Variants in MGST1 observed in about 807,000 individuals in gnomAD.
The protein encoded by MGST1 is microsomal glutathione S-transferase 1, also known as glutathione S-transferase 12.
MGST1 carries 5 observed loss-of-function variants against 8.9 expected under a neutral mutation model. That is an observed-to-expected ratio of 0.56 (90% confidence interval 0.29 to 1.19). The LOEUF (loss-of-function observed/expected upper bound fraction) is 1.19. Ranked by LOEUF, MGST1 falls within the 50% of genes most tolerant of loss-of-function variation. The pLI is 0.08. For missense variants in MGST1, 182 were observed against 187.4 expected (o/e 0.97, Z 0.17); for synonymous variants, 54 against 67.8 (o/e 0.80, Z 1.00).
At chr12:16,538,676 T>C (rs976091823) in intron 4 of MGST1, among the ~76,000 whole-genome samples, 6 of 150,200 alleles carry the variant, frequency 4.0e-5, no homozygotes. Flanking sequence ...TGGCGAGATC[T>C]CGGCTCACTG....
chr12:16,508,898 G>T (rs1472989061), intron 4 of MGST1, among the ~76,000 whole-genome samples: 1 of 152,104 alleles, frequency 6.6e-6, no homozygotes, highest in Non-Finnish European at 1.5e-5. Flanking sequence ...AGTTTATCCC[G>T]AGTGTAAAGT....
At chr12:16,525,182 A>T (rs1276189447) in intron 4 of MGST1, among the ~76,000 whole-genome samples, 1 of 151,728 alleles carries the variant, frequency 6.6e-6, no homozygotes, top group Non-Finnish European at 1.5e-5. Flanking sequence ...TTTAGGGTAC[A>T]TGTGCACATT....
intron 4 of MGST1, among the ~76,000 whole-genome samples, chr12:16,545,349 G>C (rs1240023248): frequency 6.6e-6 from 1 of 152,122 alleles, no homozygotes; most frequent in Non-Finnish European, 1.5e-5. Context: ...ATGCACCGAT[G>C]TCTCTCAGGC....
At position 16,503,536 on chromosome 12, in the gene MGST1, TCAC is replaced by T. The variant is rs978261962; in HGVS notation, n.483-85988_483-85986del. On this transcript the variant is annotated intron_variant and non_coding_transcript_variant, in intron 4 of 4. Transcript: ENST00000538857. The surrounding 1 kb of genome is among the most constrained non-coding windows in gnomAD (Gnocchi z 4.8). The stretch of plus-strand genomic sequence containing the variant: ...GATAAAGGACATGAACATTTTCTGT[TCAC>T]CACTCTATCTCTTCTCTACTATTGG... Among the ~76,000 whole-genome samples the T allele has an allele frequency of 1.3e-5, 2 of 152,166 alleles. No individual in the cohort carries two copies. Among genetic ancestry groups the T allele is most frequent in the African/African-American group, 4.8e-5 (2 of 41,434 alleles).
chr12:16,572,893 C>A (rs77287476), intron 4 of MGST1, among the ~76,000 whole-genome samples: 4,056 of 151,452 alleles, frequency 0.027, 180 homozygotes, highest in African/African-American at 0.093. Flanking sequence ...ATTTATTCAC[C>A]TAATTTTTAA....
intron 4 of MGST1, among the ~76,000 whole-genome samples, chr12:16,579,768 C>CA (rs1181900784): frequency 6.6e-6 from 1 of 152,150 alleles, no homozygotes; most frequent in Non-Finnish European, 1.5e-5. Flanking sequence ...CCAATAGATT[C>CA]AGTGGCCGAG....
exon 4 of MGST1, chr12:16,376,936 T>C (rs975885212): frequency 6.6e-6 from 1 of 152,114 alleles, no homozygotes; most frequent in African/African-American, 2.4e-5. Flanking sequence ...TACTATACTG[T>C]TCTCATTCCT....
Position 16,513,401 on chromosome 12 carries a change from C to G in MGST1, n.483-76127C>G, listed in dbSNP as rs1941589053. 5.2e-6 allele frequency: 2 copies of G among 385,122 alleles called. No individual in the cohort carries two copies. The highest frequency in any genetic ancestry group is 6.9e-5 in the Admixed American group (2 of 28,856). The allele number at this position is 385,122 out of a possible 1,614,324, so 23.9% of individuals were successfully genotyped here. A position where few individuals can be genotyped will look rare whatever the true frequency, so the allele number is the denominator to read the frequency against. On this transcript the variant is annotated intron_variant and non_coding_transcript_variant, in intron 4 of 4. Transcript: ENST00000538857. The surrounding 1 kb of genome is among the most constrained non-coding windows in gnomAD (Gnocchi z 4.2). ...CCTCCTACCGTCCACCATGGCTCCT[C>G]TGCGCTCCAGCTGCGTCGTCTCCGG... is the stretch of plus-strand genomic sequence containing the variant.
At chr12:16,478,319 C>T (rs1322270445) in intron 4 of MGST1, among the ~76,000 whole-genome samples, 7 of 152,158 alleles carry the variant, frequency 4.6e-5, no homozygotes, top group African/African-American at 1.4e-4. Context: ...TGAGTCACCA[C>T]GCCCGGCCCT....
intron 4 of MGST1, among the ~76,000 whole-genome samples, chr12:16,581,414 A>C (rs952119396): frequency 2.0e-5 from 3 of 152,196 alleles, no homozygotes; most frequent in Non-Finnish European, 4.4e-5. Flanking sequence ...TTACATCTGT[A>C]CAGCACTTAG....
intron 4 of MGST1, among the ~76,000 whole-genome samples, chr12:16,532,366 A>C (rs2137201817): frequency 6.6e-6 from 1 of 152,278 alleles, no homozygotes; most frequent in East Asian, 1.9e-4. Flanking sequence ...AAAGAAATTG[A>C]ACTAAAATGG....
At position 16,503,907 on chromosome 12, in the gene MGST1, G is replaced by C. The variant is rs1043914976; in HGVS notation, n.483-85621G>C. 6.6e-6 allele frequency among the ~76,000 whole-genome samples: 1 copy of C among 152,176 alleles called. No individual in the cohort carries two copies. Among genetic ancestry groups the C allele is most frequent in the Non-Finnish European group, 1.5e-5 (1 of 68,036 alleles). On this transcript the variant is annotated intron_variant and non_coding_transcript_variant, in intron 4 of 4. Coordinates refer to the MGST1 transcript ENST00000538857. The surrounding 1 kb of genome is among the most constrained non-coding windows in gnomAD (Gnocchi z 4.8). The stretch of plus-strand genomic sequence containing the variant: ...GCCACTCTGGGCACATTGCCTATGG[G>C]GTAGCCCTGCTCTGCAAGGCACAGT...
intron 4 of MGST1, among the ~76,000 whole-genome samples, chr12:16,569,628 G>C (rs1942740328): frequency 6.6e-6 from 1 of 152,066 alleles, no homozygotes; most frequent in Non-Finnish European, 1.5e-5. Flanking sequence ...AATATTTCCA[G>C]GCAAATATGG....
intron 4 of MGST1, among the ~76,000 whole-genome samples, chr12:16,454,939 A>G (rs1344934571): frequency 6.6e-6 from 1 of 150,846 alleles, no homozygotes; most frequent in Non-Finnish European, 1.5e-5. Flanking sequence ...CCAGGGCAGG[A>G]CAGTGTCAGA....
At position 16,413,874 on chromosome 12, in the gene MGST1, A is replaced by C. The variant is rs567367656; in HGVS notation, n.779-23514A>C. On this transcript the variant is annotated intron_variant and non_coding_transcript_variant, in intron 1 of 1. Coordinates refer to the MGST1 transcript ENST00000359720. The surrounding 1 kb of genome is among the most constrained non-coding windows in gnomAD (Gnocchi z 4.0). ...TTAGCCATTGCCAAATCAATGAATG[A>C]AAGTATACATATATTAATATGAATA... Among the ~76,000 whole-genome samples the C allele has an allele frequency of 6.6e-6, 1 of 152,322 alleles. No homozygotes were observed. The highest frequency in any genetic ancestry group is 1.9e-4 in the East Asian group (1 of 5,192).
At chr12:16,518,698 C>G (rs1941630620) in intron 4 of MGST1, among the ~76,000 whole-genome samples, 2 of 152,230 alleles carry the variant, frequency 1.3e-5, no homozygotes, top group Admixed American at 1.3e-4. Flanking sequence ...GCTTCCCATA[C>G]TAGAGAACAA....
At position 16,550,996 on chromosome 12, in the gene MGST1, C is replaced by T. The variant is rs140991956; in HGVS notation, n.483-38532C>T. ...AAAAACGAATAGCAAGCAAAAAAAT[C>T]CAGCCATATGTACATTACTTTTTTC... is the stretch of plus-strand genomic sequence containing the variant. On this transcript the variant is annotated intron_variant and non_coding_transcript_variant, in intron 4 of 4. Transcript: ENST00000538857. 9.3e-3 allele frequency: 3,931 copies of T among 423,696 alleles called. 34 individuals are homozygous for T. Among genetic ancestry groups the T allele is most frequent in the Non-Finnish European group, 0.013 (3,074 of 235,276 alleles). 26.2% of individuals were successfully genotyped at this position (423,696 alleles called of 1,614,324 possible). A position where few individuals can be genotyped will look rare whatever the true frequency, so the allele number is the denominator to read the frequency against.
Position 16,561,174 on chromosome 12 carries a change from A to G in MGST1, n.483-28354A>G, listed in dbSNP as rs551445309. Among the ~76,000 whole-genome samples, 16 of 152,234 alleles carry G rather than the reference A, an allele frequency of 1.1e-4. No individual in the cohort carries two copies. In the East Asian group the frequency reaches 2.1e-3, roughly 20 times the overall value. The stretch of plus-strand genomic sequence containing the variant: ...GATAATATACTGTCAGAACCACTGG[A>G]ATTGTCTAGGATTTAAAAAAAATTC... On this transcript the variant is annotated intron_variant and non_coding_transcript_variant, in intron 4 of 4. Transcript: ENST00000538857.
chr12:16,521,998 C>T lies in MGST1; in HGVS notation n.483-67530C>T, dbSNP rs76441615. Among the ~76,000 whole-genome samples, 881 of 152,172 alleles carry T rather than the reference C, an allele frequency of 5.8e-3. 29 individuals are homozygous for T. The East Asian group carries it at 0.13, about 23-fold the overall frequency. On this transcript the variant is annotated intron_variant and non_coding_transcript_variant, in intron 4 of 4. Coordinates refer to the MGST1 transcript ENST00000538857. Reference sequence around the variant, plus strand: ...TGTTTGTGGCCACACGGTGCAGCTCCGACTTCTGAACATTTTTCCCCAATT... The same window carrying T: ...TGTTTGTGGCCACACGGTGCAGCTCTGACTTCTGAACATTTTTCCCCAATT...
Sources: gnomAD v4.1 joint callset for allele counts (sites outside exome capture counted in the v4.1 genomes callset) on GRCh38, gnomAD v4.1.1 for gene constraint, Gnocchi (gnomAD v3.1) non-coding constraint, MANE v1.5 for transcripts, NCBI Gene and HGNC (gene_info 2026-07-23, HGNC 2026-07-21) for gene names.